Variants in GPC5 observed in about 807,000 individuals in gnomAD.
GPC5 encodes glypican 5, also known as glypican-5.
GPC5 carries 47 observed loss-of-function variants against 53.9 expected under a neutral mutation model. That is an observed-to-expected ratio of 0.87 (90% CI 0.69 to 1.11). The LOEUF (loss-of-function observed/expected upper bound fraction) is 1.11. Among genes scored for constraint, GPC5 ranks in the 50% most tolerant of loss-of-function variants. The pLI is 0.00. For synonymous variants in GPC5, 286 were observed against 263.3 expected (o/e 1.09, Z -0.84); for missense variants, 748 against 713.1 (o/e 1.05, Z -0.56).
intron 7 of GPC5, among the ~76,000 whole-genome samples, chr13:92,621,559 A>G (rs1444194263): frequency 2.0e-5 from 3 of 152,132 alleles, no homozygotes; most frequent in African/African-American, 4.8e-5. Flanking sequence ...AGTAGCTCAC[A>G]CCTGTAATCC....
intron 4 of GPC5, among the ~76,000 whole-genome samples, chr13:91,749,381 T>A (rs1440694714): frequency 1.3e-5 from 2 of 152,246 alleles, no homozygotes; most frequent in African/African-American, 4.8e-5. Context: ...GGCTGAGTAG[T>A]ATTCCATTGT....
intron 6 of GPC5, among the ~76,000 whole-genome samples, chr13:92,043,710 G>A (rs1172441407): frequency 2.0e-5 from 3 of 152,160 alleles, no homozygotes; most frequent in Non-Finnish European, 2.9e-5. Context: ...TCATTAGAAC[G>A]GAATAATTTA....
At chr13:92,277,264 A>T (rs150375197) in intron 7 of GPC5, among the ~76,000 whole-genome samples, 1 of 152,044 alleles carries the variant, frequency 6.6e-6, no homozygotes, top group Non-Finnish European at 1.5e-5. Flanking sequence ...GCAGAGAAGA[A>T]GGGAAAGTCT....
rs115334385 is a variant in GPC5, at chr13:91,488,102, G to T, written c.325+39180G>T. Among the ~76,000 whole-genome samples the T allele has an allele frequency of 5.3e-3, 800 of 152,174 alleles. 4 individuals are homozygous for T. Among genetic ancestry groups the T allele is most frequent in the African/African-American group, 0.018 (762 of 41,516 alleles). On this transcript the variant is annotated intron_variant, in intron 2 of 7. Transcript: ENST00000377067. ...GAAATACATATATGTATGACCCAGA[G>T]GGTATATACAATGGGAGAAAGGAAC...
At chr13:91,531,594 T>C (rs1468199478) in intron 2 of GPC5, among the ~76,000 whole-genome samples, 1 of 152,182 alleles carries the variant, frequency 6.6e-6, no homozygotes, top group Non-Finnish European at 1.5e-5. Context: ...TATTAAGTAT[T>C]AGGTATACTA....
At chr13:91,548,153 G>A (rs2030406258) in intron 2 of GPC5, among the ~76,000 whole-genome samples, 2 of 152,050 alleles carry the variant, frequency 1.3e-5, no homozygotes, top group South Asian at 2.1e-4. Flanking sequence ...AAGACATATA[G>A]CTTGGGAAGA....
chr13:92,405,679 A>G (rs1875761271), intron 7 of GPC5, among the ~76,000 whole-genome samples: 1 of 152,196 alleles, frequency 6.6e-6, no homozygotes, highest in African/African-American at 2.4e-5. Flanking sequence ...CTTATTTATG[A>G]TAACTGACTA....
chr13:92,463,310 C>A (rs1352960052), intron 7 of GPC5, among the ~76,000 whole-genome samples: 1 of 152,174 alleles, frequency 6.6e-6, no homozygotes, highest in Admixed American at 6.6e-5. Context: ...AACCTGCTGC[C>A]GAGAATGCTG....
chr13:92,259,223 C>G (rs1330763891), intron 7 of GPC5, among the ~76,000 whole-genome samples: 1 of 152,142 alleles, frequency 6.6e-6, no homozygotes, highest in African/African-American at 2.4e-5. Context: ...ACATTTACTT[C>G]TGGTTTTTAA....
At chr13:92,507,457 T>G (rs538741596) in intron 7 of GPC5, among the ~76,000 whole-genome samples, 101 of 152,354 alleles carry the variant, frequency 6.6e-4, no homozygotes, top group Non-Finnish European at 1.1e-3. Context: ...CAAATATTTT[T>G]TTCATTCTGC....
At chr13:91,717,578 C>T (rs1317830993) in intron 3 of GPC5, among the ~76,000 whole-genome samples, 3 of 151,714 alleles carry the variant, frequency 2.0e-5, no homozygotes, top group East Asian at 3.9e-4. Context: ...TTTTTTTAGA[C>T]GGAGTTTCAC....
chr13:92,377,812 C>T (rs1042226355), intron 7 of GPC5, among the ~76,000 whole-genome samples: 2 of 152,124 alleles, frequency 1.3e-5, no homozygotes, highest in African/African-American at 4.8e-5. Flanking sequence ...TTGAACAATT[C>T]ATTTTTCTAT....
intron 7 of GPC5, among the ~76,000 whole-genome samples, chr13:92,849,349 G>C (rs1878716087): frequency 6.6e-6 from 1 of 152,148 alleles, no homozygotes; most frequent in African/African-American, 2.4e-5. Flanking sequence ...GAAGTATTAA[G>C]TTAAATATAG....
At chr13:91,491,094 T>C (rs1042008419) in intron 2 of GPC5, among the ~76,000 whole-genome samples, 1 of 152,196 alleles carries the variant, frequency 6.6e-6, no homozygotes, top group Non-Finnish European at 1.5e-5. Context: ...GAGAGCCATC[T>C]AGTCATGAAA....
chr13:91,936,511 G>A (rs2039872691), intron 6 of GPC5, among the ~76,000 whole-genome samples: 1 of 152,046 alleles, frequency 6.6e-6, no homozygotes, highest in African/African-American at 2.4e-5. Flanking sequence ...TCTAGCCAGA[G>A]TTAAAGAAAC....
chr13:92,680,263 C>T (rs1311982765), intron 7 of GPC5, among the ~76,000 whole-genome samples: 3 of 152,118 alleles, frequency 2.0e-5, no homozygotes, highest in Non-Finnish European at 4.4e-5. Context: ...ATCCTTTGGC[C>T]ACTTAATTTT....
At chr13:92,804,990 C>T (rs1877040108) in intron 7 of GPC5, among the ~76,000 whole-genome samples, 1 of 151,314 alleles carries the variant, frequency 6.6e-6, no homozygotes, top group African/African-American at 2.4e-5. Context: ...AGCAATTTAG[C>T]TACATCTTCA....
chr13:91,556,341 T>C (rs1230840211), intron 2 of GPC5, among the ~76,000 whole-genome samples: 1 of 151,922 alleles, frequency 6.6e-6, no homozygotes, highest in Non-Finnish European at 1.5e-5. Flanking sequence ...AGTTTTTGTA[T>C]TGGAACTACC....
At chr13:92,131,263 ATTTG>A (rs1326732032) in intron 6 of GPC5, among the ~76,000 whole-genome samples, 22 of 152,074 alleles carry the variant, frequency 1.4e-4, no homozygotes, top group African/African-American at 5.1e-4. Context: ...CATATTGAAA[ATTTG>A]TTTGGCGATA....
Sources: gnomAD v4.1 joint callset for allele counts (sites outside exome capture counted in the v4.1 genomes callset) on GRCh38, gnomAD v4.1.1 for gene constraint, MANE v1.5 for transcripts, NCBI Gene and HGNC (gene_info 2026-07-23, HGNC 2026-07-21) for gene names.